CTNNA2: variants seen among roughly 807,000 people sequenced by gnomAD.
CTNNA2 encodes catenin alpha-2.
In CTNNA2, 42 loss-of-function variants were observed where a neutral mutation model predicts 101.0. The ratio of observed to expected loss-of-function variants is 0.42; its 90% CI spans 0.32 to 0.54. The LOEUF (loss-of-function observed/expected upper bound fraction) is 0.54, where lower values mean the gene tolerates loss of function less well. Ranked by LOEUF, CTNNA2 falls within the 20% of genes least tolerant of loss-of-function variation. The probability of loss-of-function intolerance (pLI) is 0.14; values close to 1 mark genes in which losing one functional copy is unlikely to be tolerated. For missense variants in CTNNA2, 871 were observed against 1,223.1 expected (o/e 0.71, Z 4.29); for synonymous variants, 450 against 456.4 (o/e 0.99, Z 0.18).
chr2:80,648,151 T>C lies in CTNNA2; in HGVS notation c.*279T>C, dbSNP rs1033239006. On this transcript the variant is annotated 3_prime_UTR_variant, in exon 19 of 19. Coordinates refer to ENST00000402739, the MANE Select transcript of CTNNA2 (RefSeq NM_001282597.3). ...ACAGAGTTCGCATTGGCGCAATATT[T>C]ATGGGAGTGGGAGGGATGGGGAAAA... 2 of 251,144 alleles carry C rather than the reference T, an allele frequency of 8.0e-6. No homozygotes were observed. The highest frequency in any genetic ancestry group is 1.5e-5 in the Non-Finnish European group (2 of 130,862). The allele number at this position is 251,144 out of a possible 1,614,324, so 15.6% of individuals were successfully genotyped here.
At chr2:79,993,868 G>A (rs1014700420) in intron 7 of CTNNA2, among the ~76,000 whole-genome samples, 5 of 152,012 alleles carry the variant, frequency 3.3e-5, no homozygotes, top group African/African-American at 1.2e-4. Context: ...AAGAGGTTTG[G>A]TTTTGTTGGT....
chr2:80,111,596 G>A (rs1198666210), intron 7 of CTNNA2, among the ~76,000 whole-genome samples: 2 of 152,150 alleles, frequency 1.3e-5, no homozygotes, highest in African/African-American at 4.8e-5. Context: ...CTAGAGTGCA[G>A]TGTGGCAAGA....
chr2:80,126,605 TCCCTCCCTCCCTCCCTC>T (rs1702126095), intron 7 of CTNNA2, among the ~76,000 whole-genome samples: 1 of 22,192 alleles, frequency 4.5e-5, no homozygotes, highest in Non-Finnish European at 8.3e-5. Context: ...CCTCCCTCCC[TCCCTCCCTCCCTCCCTC>T]CCTCCCTCCC....
intron 1 of CTNNA2, among the ~76,000 whole-genome samples, chr2:79,584,527 T>C (rs1381713429): frequency 6.6e-6 from 1 of 151,488 alleles, no homozygotes; most frequent in Non-Finnish European, 1.5e-5. Context: ...TTTCTTTTTT[T>C]TTTTTTTTCT....
At chr2:80,062,817 T>C (rs564569818) in intron 7 of CTNNA2, among the ~76,000 whole-genome samples, 144 of 151,478 alleles carry the variant, frequency 9.5e-4, no homozygotes, top group African/African-American at 3.3e-3. Flanking sequence ...GCCATTCTCC[T>C]GCCTTAGCCT....
intron 3 of CTNNA2, among the ~76,000 whole-genome samples, chr2:79,322,281 C>T (rs975842710): frequency 9.2e-5 from 14 of 152,044 alleles, no homozygotes; most frequent in African/African-American, 2.7e-4. Context: ...ATATAGACTG[C>T]GGGGGGCTGC....
rs1342796199 is a variant in CTNNA2 at position 80,555,797 on chromosome 2, C to T, written c.1645C>T (p.Arg549Ter). The T allele has an allele frequency of 1.9e-6, 3 of 1,599,798 alleles. No homozygotes were observed. Among genetic ancestry groups the T allele is most frequent in the Non-Finnish European group, 2.6e-6 (3 of 1,173,286 alleles). Residue 549 changes from arginine to a stop codon, truncating the protein, a stop_gained, in exon 12 of 19, where the codon CGA becomes TGA. Coordinates refer to ENST00000402739, the MANE Select transcript of CTNNA2 (RefSeq NM_001282597.3). LOFTEE classifies it high-confidence loss of function. ...TAGAIRGRAARVIHIINAEME... is the reference protein window; with the variant it reads ...TAGAIRGRAA Reference sequence around the variant, plus strand: ...AGGGGCCATCAGGGGCCGGGCAGCTCGAGTCATACACATCATCAATGCTGA... The same window carrying T: ...AGGGGCCATCAGGGGCCGGGCAGCTTGAGTCATACACATCATCAATGCTGA...
At chr2:79,764,904 G>C (rs1673033813) in intron 3 of CTNNA2, among the ~76,000 whole-genome samples, 1 of 152,194 alleles carries the variant, frequency 6.6e-6, no homozygotes, top group South Asian at 2.1e-4. Flanking sequence ...GTGAGGAAAA[G>C]ATGTGGACCA....
At chr2:79,457,821 A>G (rs388990) in intron 4 of CTNNA2, among the ~76,000 whole-genome samples, 1 of 152,038 alleles carries the variant, frequency 6.6e-6, no homozygotes, top group Non-Finnish European at 1.5e-5. Context: ...ACTCTCCCTC[A>G]CTCTCTACCT....
intron 18 of CTNNA2, among the ~76,000 whole-genome samples, chr2:80,641,305 T>C (rs1673459996): frequency 6.6e-6 from 1 of 152,188 alleles, no homozygotes; most frequent in Non-Finnish European, 1.5e-5. Context: ...CAATGACAGA[T>C]TGCTTTGTGA....
intron 2 of CTNNA2, among the ~76,000 whole-genome samples, chr2:79,728,401 C>G (rs1686993750): frequency 6.6e-6 from 1 of 152,104 alleles, no homozygotes; most frequent in African/African-American, 2.4e-5. Flanking sequence ...CTGTTGATAT[C>G]CTTCACCCAC....
chr2:80,264,613 G>C (rs1311007588), intron 7 of CTNNA2, among the ~76,000 whole-genome samples: 1 of 152,084 alleles, frequency 6.6e-6, no homozygotes, highest in Non-Finnish European at 1.5e-5. Flanking sequence ...GCTTAGCTTA[G>C]CCTAAAATCC....
intron 7 of CTNNA2, among the ~76,000 whole-genome samples, chr2:80,345,135 T>C (rs1672613445): frequency 6.6e-6 from 1 of 152,192 alleles, no homozygotes; most frequent in Non-Finnish European, 1.5e-5. Context: ...GAATGAATCA[T>C]TTCTCTTCTC....
intron 3 of CTNNA2, among the ~76,000 whole-genome samples, chr2:79,832,393 A>G (rs1678995219): frequency 6.6e-6 from 1 of 152,188 alleles, no homozygotes; most frequent in Admixed American, 6.5e-5. Flanking sequence ...GAATTAACAG[A>G]ATTGCCTATA....
intron 9 of CTNNA2, among the ~76,000 whole-genome samples, chr2:80,478,776 T>C (rs1243053719): frequency 1.3e-5 from 2 of 152,126 alleles, no homozygotes; most frequent in Admixed American, 6.5e-5. Context: ...TTGGTTACTA[T>C]AGCCTTGTAA....
chr2:79,547,942 T>C (rs1673842276), intron 1 of CTNNA2: 1 of 152,262 alleles, frequency 6.6e-6, no homozygotes, highest in Non-Finnish European at 1.5e-5. Flanking sequence ...ATGATGTTAA[T>C]GTAGTGAGAA....
chr2:80,543,443 G>A (rs1174443966), intron 9 of CTNNA2, among the ~76,000 whole-genome samples: 5 of 152,058 alleles, frequency 3.3e-5, no homozygotes, highest in African/African-American at 1.2e-4. Context: ...GAAATTAAAT[G>A]GTAATGTTTG....
intron 3 of CTNNA2, among the ~76,000 whole-genome samples, chr2:79,831,861 C>T (rs1369424648): frequency 7.3e-6 from 1 of 137,582 alleles, no homozygotes; most frequent in Non-Finnish European, 1.7e-5. Context: ...GCCTCTAAAT[C>T]GTTACAAATA....
intron 7 of CTNNA2, among the ~76,000 whole-genome samples, chr2:80,016,353 G>A (rs1318744560): frequency 1.3e-5 from 2 of 152,142 alleles, no homozygotes; most frequent in Non-Finnish European, 2.9e-5. Context: ...AATACGGAGT[G>A]CCAGGCTGCT....
Sources: allele counts gnomAD v4.1 joint callset (sites outside exome capture counted in the v4.1 genomes callset), GRCh38; gene constraint gnomAD v4.1.1; transcripts MANE v1.5; gene names NCBI Gene and HGNC (gene_info 2026-07-23, HGNC 2026-07-21).